The following CHL1 variants were observed in gnomAD, a reference collection of about 807,000 sequenced individuals.
CHL1 encodes the protein neural cell adhesion molecule L1-like protein.
A neutral mutation model predicts 141.9 loss-of-function variants in CHL1; 96 were observed. That is an observed-to-expected ratio of 0.68 (90% CI 0.57 to 0.80). The LOEUF (loss-of-function observed/expected upper bound fraction) is 0.80. Among genes scored for constraint, CHL1 ranks in the 30% least tolerant of loss-of-function variants. The pLI is 0.00. For missense variants in CHL1, 1,820 were observed against 1,457.2 expected (o/e 1.25, Z -4.05); for synonymous variants, 613 against 502.2 (o/e 1.22, Z -2.95).
intron 15 of CHL1, among the ~76,000 whole-genome samples, chr3:368,076 A>G (rs999239139): frequency 2.0e-5 from 3 of 152,134 alleles, no homozygotes; most frequent in African/African-American, 7.2e-5. Flanking sequence ...ATGTGTCTTT[A>G]TAGTAGAATG....
At chr3:348,012 A>C (rs917593872) in intron 9 of CHL1, among the ~76,000 whole-genome samples, 2 of 152,198 alleles carry the variant, frequency 1.3e-5, no homozygotes, top group Admixed American at 6.5e-5. Flanking sequence ...ACAAACTATC[A>C]ATACAAATAA....
intron 2 of CHL1, among the ~76,000 whole-genome samples, chr3:297,805 A>G (rs1698334661): frequency 6.6e-6 from 1 of 152,190 alleles, no homozygotes; most frequent in Admixed American, 6.5e-5. Flanking sequence ...TATTGAAAAA[A>G]CAGACCCTTG....
rs755861697 is a variant in CHL1 at position 340,914 on chromosome 3, T to C, written c.506T>C (p.Ile169Thr). Residue 169 changes from isoleucine (I) to threonine (T), a missense_variant and splice_region_variant, in exon 6 of 28, where the codon ATT becomes ACT. Transcript: ENST00000256509. ...LPPLHIYWMN[I>T]ELEHIEQDER... The stretch of plus-strand genomic sequence containing the variant: ...CCTTTACACATTTATTGGATGAATA[T>C]TGGTAAGTAATGCTCCGTTCCATCA... 30 of 1,612,308 alleles carry C rather than the reference T, an allele frequency of 1.9e-5. No individual in the cohort carries two copies. Among genetic ancestry groups the C allele is most frequent in the Non-Finnish European group, 2.5e-5 (30 of 1,178,982 alleles).
At chr3:314,296 G>GCTCC (rs1320954178) in intron 2 of CHL1, among the ~76,000 whole-genome samples, 1 of 85,512 alleles carries the variant, frequency 1.2e-5, no homozygotes, top group African/African-American at 5.6e-5. Flanking sequence ...CCCCAATCTT[G>GCTCC]CACTCTCTCT....
At chr3:386,051 A>G (rs1464775061) in intron 19 of CHL1, among the ~76,000 whole-genome samples, 1 of 152,046 alleles carries the variant, frequency 6.6e-6, no homozygotes, top group East Asian at 1.9e-4. Flanking sequence ...TTCACTGAGT[A>G]TGGTTCTGTA....
chr3:382,281 G>A lies in CHL1; in HGVS notation c.1978+1G>A. The stretch of plus-strand genomic sequence containing the variant: ...GCTGACCACAACAGCAATATTAGCG[G>A]TAGGAAGACTTGGGATAACTGTTTT... On this transcript the variant is annotated splice_donor_variant, in intron 17 of 27. Transcript: ENST00000256509. LOFTEE classifies it high-confidence loss of function. 6.2e-7 allele frequency: 1 copy of A among 1,612,082 alleles called. No homozygotes were observed. Among genetic ancestry groups the A allele is most frequent in the Non-Finnish European group, 8.5e-7 (1 of 1,178,378 alleles).
intron 5 of CHL1, among the ~76,000 whole-genome samples, chr3:332,913 C>T (rs1362038404): frequency 6.6e-6 from 1 of 151,948 alleles, no homozygotes. Context: ...AAGGAAAAGG[C>T]AGCAGCTAGA....
intron 1 of CHL1, among the ~76,000 whole-genome samples, chr3:237,527 T>G (rs1278186030): frequency 6.6e-6 from 1 of 152,204 alleles, no homozygotes; most frequent in African/African-American, 2.4e-5. Context: ...AGTCCTTTTC[T>G]CAAAGTATTT....
intron 5 of CHL1, among the ~76,000 whole-genome samples, chr3:334,321 G>A (rs1432893198): frequency 6.6e-6 from 1 of 152,138 alleles, no homozygotes; most frequent in Non-Finnish European, 1.5e-5. Flanking sequence ...ATTGGCACAT[G>A]ACACTATGCC....
intron 15 of CHL1, among the ~76,000 whole-genome samples, chr3:371,015 A>C (rs572687531): frequency 6.6e-6 from 1 of 152,244 alleles, no homozygotes; most frequent in South Asian, 2.1e-4. Flanking sequence ...GGAGTGTTTT[A>C]CTTCAAATTA....
chr3:289,593 G>A (rs1697479668), intron 2 of CHL1, among the ~76,000 whole-genome samples: 2 of 152,006 alleles, frequency 1.3e-5, no homozygotes, highest in Admixed American at 6.6e-5. Flanking sequence ...GTTCCTGCAC[G>A]ACTCTGGCCA....
chr3:340,784 T>C lies in CHL1; in HGVS notation c.386-10T>C, dbSNP rs1559280176. 2.5e-6 allele frequency: 4 copies of C among 1,599,010 alleles called. No homozygotes were observed. In the East Asian group the frequency reaches 8.9e-5, roughly 36 times the overall value. On this transcript the variant is annotated splice_polypyrimidine_tract_variant and intron_variant, in intron 5 of 27. Transcript: ENST00000256509. ...TTAAAATAACACATTAAAATGATTTTTTACACCAGGTGTTCCAAAATTCCC... is the reference window on the plus strand; with the variant it reads ...TTAAAATAACACATTAAAATGATTTCTTACACCAGGTGTTCCAAAATTCCC...
chr3:323,030 C>G (rs550845831), intron 3 of CHL1, among the ~76,000 whole-genome samples: 33 of 152,056 alleles, frequency 2.2e-4, no homozygotes, highest in African/African-American at 7.5e-4. Flanking sequence ...TAAAATAATT[C>G]TGCTATGCGT....
intron 2 of CHL1, chr3:308,870 C>G (rs6784175): frequency 0.54 from 87,895 of 163,526 alleles, 26,585 homozygotes; most frequent in Non-Finnish European, 0.66. Flanking sequence ...CTGCTGTTTG[C>G]GGCATTCATT....
At chr3:217,146 A>G (rs542663472) in intron 1 of CHL1, among the ~76,000 whole-genome samples, 22 of 152,202 alleles carry the variant, frequency 1.4e-4, no homozygotes, top group African/African-American at 5.1e-4. Context: ...TGGTTTGATT[A>G]TTAATAGATT....
chr3:310,117 A>C (rs73097070), intron 2 of CHL1, among the ~76,000 whole-genome samples: 106 of 152,258 alleles, frequency 7.0e-4, no homozygotes, highest in African/African-American at 2.4e-3. Context: ...ATAACAAGAG[A>C]ATAGTAGAGA....
rs151184276 is a variant in CHL1, at chr3:405,663, T to C, written c.3627T>C (p.Ser1209=). The C allele has an allele frequency of 1.2e-6, 2 of 1,613,548 alleles. 1 individual carries two copies. Among genetic ancestry groups the C allele is most frequent in the Admixed American group, 3.3e-5 (2 of 59,986 alleles). Residue 1209 remains serine, a synonymous_variant, in exon 28 of 28, where the codon TCT becomes TCC. Transcript: ENST00000256509. ...GAYAGSKEKG[S]VESNGSSTAT... ...ACGCTGGATCTAAGGAGAAGGGATC[T>C]GTTGAAAGCAATGGAAGTTCTACAG...
At chr3:261,376 G>C (rs1315281724) in intron 2 of CHL1, among the ~76,000 whole-genome samples, 1 of 151,698 alleles carries the variant, frequency 6.6e-6, no homozygotes, top group Non-Finnish European at 1.5e-5. Context: ...GAAGGAAGGA[G>C]GGAGAGAGAG....
At chr3:347,152 C>T (rs1397349826) in intron 9 of CHL1, among the ~76,000 whole-genome samples, 1 of 152,052 alleles carries the variant, frequency 6.6e-6, no homozygotes. Context: ...CTCATGTGCA[C>T]TGCTCAAATA....
Sources: gnomAD v4.1 joint callset for allele counts (sites outside exome capture counted in the v4.1 genomes callset) on GRCh38, gnomAD v4.1.1 for gene constraint, MANE v1.5 for transcripts, NCBI Gene and HGNC (gene_info 2026-07-23, HGNC 2026-07-21) for gene names.